Variants in BRIP1 observed in about 807,000 individuals in gnomAD.
BRIP1 encodes the protein BRCA1 interacting DNA helicase 1, also known as Fanconi anemia group J protein.
A neutral mutation model predicts 119.7 loss-of-function variants in BRIP1; 88 were observed. The observed-to-expected ratio is 0.74, with a 90% CI of 0.62 to 0.88. The LOEUF (loss-of-function observed/expected upper bound fraction) is 0.88. Among genes scored for constraint, BRIP1 ranks in the 40% least tolerant of loss-of-function variants. BRIP1 has a pLI of 0.00. For missense variants in BRIP1, 1,259 were observed against 1,455.4 expected, an observed-to-expected ratio of 0.87 and a Z score of 2.20; for synonymous variants, 443 against 496.5, an observed-to-expected ratio of 0.89 and a Z score of 1.43.
At chr17:61,715,574 T>G (rs1231736476) in intron 17 of BRIP1, among the ~76,000 whole-genome samples, 2 of 152,162 alleles carry the variant, frequency 1.3e-5, no homozygotes, top group African/African-American at 4.8e-5. Flanking sequence ...CCCTGACATT[T>G]TGGGGGAGGT....
chr17:61,840,141 C>A (rs1262534780), intron 6 of BRIP1, among the ~76,000 whole-genome samples: 1 of 151,764 alleles, frequency 6.6e-6, no homozygotes, highest in South Asian at 2.1e-4. Context: ...AACAGATCAC[C>A]CGAGGTCAGG....
At chr17:61,731,233 C>T (rs1202951470) in intron 16 of BRIP1, among the ~76,000 whole-genome samples, 1 of 152,170 alleles carries the variant, frequency 6.6e-6, no homozygotes, top group African/African-American at 2.4e-5. Flanking sequence ...ATTCCAAGAG[C>T]AAGTTGCTGA....
Position 61,834,836 on chromosome 17 carries a change from G to T in BRIP1, c.627+12265C>A, listed in dbSNP as rs374451404. ...AGGGCTGCCTTGCTGACTTACAGCT[G>T]ACCTGCAGTTGACCACAGACACATG... On this transcript the variant is annotated intron_variant, in intron 6 of 19. Transcript: ENST00000259008. The surrounding 1 kb of genome is among the most constrained non-coding windows in gnomAD (Gnocchi z 4.4). Among the ~76,000 whole-genome samples, 20 of 152,162 alleles carry T rather than the reference G, an allele frequency of 1.3e-4. No homozygotes were observed. The highest frequency in any genetic ancestry group is 4.6e-4 in the African/African-American group (19 of 41,434).
chr17:61,849,914 T>C (rs2078792345), intron 4 of BRIP1, among the ~76,000 whole-genome samples: 1 of 152,194 alleles, frequency 6.6e-6, no homozygotes, highest in Non-Finnish European at 1.5e-5. Context: ...ACTGTCTTCT[T>C]GGAACACAGC....
chr17:61,758,763 T>C lies in BRIP1; in HGVS notation c.2098-14172A>G, dbSNP rs1169384444. Among the ~76,000 whole-genome samples, 9 of 151,892 alleles carry C rather than the reference T, an allele frequency of 5.9e-5. No homozygotes were observed. The highest frequency in any genetic ancestry group is 1.9e-4 in the African/African-American group (8 of 41,346). On this transcript the variant is annotated intron_variant, in intron 14 of 19. Coordinates refer to ENST00000259008, the MANE Select transcript of BRIP1 (RefSeq NM_032043.3). The surrounding 1 kb of genome is among the most constrained non-coding windows in gnomAD (Gnocchi z 5.3). The stretch of plus-strand genomic sequence containing the variant: ...ACTTTAGGAGGCTGAGGCAGAAGGA[T>C]TGCTTGAGGCCAAAGGATTGCTTGA...
intron 6 of BRIP1, among the ~76,000 whole-genome samples, chr17:61,833,256 G>A (rs1190033266): frequency 6.6e-6 from 1 of 152,120 alleles, no homozygotes; most frequent in Admixed American, 6.5e-5. Context: ...GCTGAATTTT[G>A]TCAACTTTCT....
chr17:61,848,566 T>G lies in BRIP1; in HGVS notation c.507+563A>C, dbSNP rs1375840872. Among the ~76,000 whole-genome samples the G allele has an allele frequency of 1.3e-5, 2 of 152,176 alleles. No individual in the cohort carries two copies. Among genetic ancestry groups the G allele is most frequent in the Non-Finnish European group, 2.9e-5 (2 of 68,038 alleles). ...ATCTATTAAAATCCCAGCCTTCCTA[T>G]CTCACTGCCATGAATTCTGAGAAAA... is the stretch of plus-strand genomic sequence containing the variant. On this transcript the variant is annotated intron_variant, in intron 5 of 19. Transcript: ENST00000259008. The surrounding 1 kb of genome is among the most constrained non-coding windows in gnomAD (Gnocchi z 4.3).
intron 10 of BRIP1, among the ~76,000 whole-genome samples, chr17:61,792,038 T>G (rs749756847): frequency 6.6e-6 from 1 of 152,200 alleles, no homozygotes; most frequent in East Asian, 1.9e-4. Flanking sequence ...CAGGAACTTT[T>G]GTTCATTGCT....
In BRIP1 at chr17:61,773,017, T is replaced by C. The variant is rs375250520; in HGVS notation, c.2097+3384A>G. On this transcript the variant is annotated intron_variant, in intron 14 of 19. Coordinates refer to ENST00000259008, the MANE Select transcript of BRIP1 (RefSeq NM_032043.3). ...TAACCATTCTAACATTATTTAATTATGTATAAGAATTATTTTGATAAATTA... is the reference window on the plus strand; with the variant it reads ...TAACCATTCTAACATTATTTAATTACGTATAAGAATTATTTTGATAAATTA... 1.5e-3 allele frequency among the ~76,000 whole-genome samples: 233 copies of C among 151,956 alleles called. 3 individuals are homozygous for C. The highest frequency in any genetic ancestry group is 5.5e-3 in the African/African-American group (228 of 41,484).
In BRIP1 at chr17:61,734,790, T is replaced by C. The variant is rs1223585993; in HGVS notation, c.2379+8223A>G. 2.0e-5 allele frequency among the ~76,000 whole-genome samples: 3 copies of C among 152,230 alleles called. No homozygotes were observed. Among genetic ancestry groups the C allele is most frequent in the Admixed American group, 2.0e-4 (3 of 15,282 alleles). On this transcript the variant is annotated intron_variant, in intron 16 of 19. Transcript: ENST00000259008. The surrounding 1 kb of genome is among the most constrained non-coding windows in gnomAD (Gnocchi z 5.2). ...GTATTTTAAACTGTATTTTAACTTT[T>C]ACTTCCATAATCTTTCTCAAATTTA...
At position 61,743,780 on chromosome 17, in the gene BRIP1, T is replaced by C. The variant is rs2077018883; in HGVS notation, c.2258-646A>G. On this transcript the variant is annotated intron_variant, in intron 15 of 19. Coordinates refer to ENST00000259008, the MANE Select transcript of BRIP1 (RefSeq NM_032043.3). This position sits in a 1 kb window ranked among gnomAD's most constrained non-coding sequence, Gnocchi z 4.3. The stretch of plus-strand genomic sequence containing the variant: ...ACAGCTCACTGCAGCCTTGACCTCC[T>C]GGGCTCAGGTAATCCTCCCACCTCG... Among the ~76,000 whole-genome samples the C allele has an allele frequency of 1.3e-5, 2 of 152,260 alleles. No individual in the cohort carries two copies. Among genetic ancestry groups the C allele is most frequent in the South Asian group, 4.1e-4 (2 of 4,822 alleles).
intron 6 of BRIP1, among the ~76,000 whole-genome samples, chr17:61,835,876 T>TA (rs1459218370): frequency 1.3e-5 from 2 of 151,876 alleles, no homozygotes; most frequent in African/African-American, 4.8e-5. Context: ...TGCATGAAAA[T>TA]AAATCCCATA....
rs2078716536 is a variant in BRIP1 at position 61,845,644 on chromosome 17, T to C, written c.627+1457A>G. Among the ~76,000 whole-genome samples, 1 of 152,170 alleles carries C rather than the reference T, an allele frequency of 6.6e-6. No individual in the cohort carries two copies. The highest frequency in any genetic ancestry group is 1.5e-5 in the Non-Finnish European group (1 of 68,030). On this transcript the variant is annotated intron_variant, in intron 6 of 19. Coordinates refer to ENST00000259008, the MANE Select transcript of BRIP1 (RefSeq NM_032043.3). The surrounding 1 kb of genome is among the most constrained non-coding windows in gnomAD (Gnocchi z 4.2). The stretch of plus-strand genomic sequence containing the variant: ...ATAAAGAATTACCATGGTTAGTATA[T>C]CATTCACTCTTTTTCAAGCAAAAAT...
At chr17:61,858,485 T>C (rs2078929697) in intron 3 of BRIP1, among the ~76,000 whole-genome samples, 1 of 151,916 alleles carries the variant, frequency 6.6e-6, no homozygotes, top group Non-Finnish European at 1.5e-5. Context: ...GTGATTCTCC[T>C]GTCTCAGCCT....
At position 61,848,588 on chromosome 17, in the gene BRIP1, A is replaced by T. The variant is rs550571731; in HGVS notation, c.507+541T>A. Among the ~76,000 whole-genome samples the T allele has an allele frequency of 6.6e-6, 1 of 152,322 alleles. No homozygotes were observed. Among genetic ancestry groups the T allele is most frequent in the East Asian group, 1.9e-4 (1 of 5,192 alleles). On this transcript the variant is annotated intron_variant, in intron 5 of 19. Coordinates refer to ENST00000259008, the MANE Select transcript of BRIP1 (RefSeq NM_032043.3). The surrounding 1 kb of genome is among the most constrained non-coding windows in gnomAD (Gnocchi z 4.3). The stretch of plus-strand genomic sequence containing the variant: ...CTATCTCACTGCCATGAATTCTGAG[A>T]AAATATTGTGTTCATCTGCATCCAA...
intron 14 of BRIP1, among the ~76,000 whole-genome samples, chr17:61,764,165 T>C (rs1046511547): frequency 6.6e-6 from 1 of 152,206 alleles, no homozygotes; most frequent in African/African-American, 2.4e-5. Context: ...CTTACTCTAA[T>C]AAAGTGTGTC....
At chr17:61,838,184 T>G (rs571653707) in intron 6 of BRIP1, among the ~76,000 whole-genome samples, 1 of 152,242 alleles carries the variant, frequency 6.6e-6, no homozygotes, top group Admixed American at 6.5e-5. Context: ...ATATTTCTAT[T>G]TAAAAAATAC....
chr17:61,820,587 T>C (rs1235437494), intron 6 of BRIP1, among the ~76,000 whole-genome samples: 4 of 152,212 alleles, frequency 2.6e-5, no homozygotes, highest in Non-Finnish European at 5.9e-5. Context: ...CATGCACTTA[T>C]ACTTAGACCC....
intron 17 of BRIP1, among the ~76,000 whole-genome samples, chr17:61,714,740 G>A (rs1391833250): frequency 6.6e-6 from 1 of 151,650 alleles, no homozygotes; most frequent in Non-Finnish European, 1.5e-5. Flanking sequence ...TGTTTAGTTG[G>A]TGTTAATTCT....
Sources: allele counts gnomAD v4.1 joint callset (sites outside exome capture counted in the v4.1 genomes callset), GRCh38; gene constraint gnomAD v4.1.1; non-coding constraint Gnocchi (gnomAD v3.1); transcripts MANE v1.5; gene names NCBI Gene and HGNC (gene_info 2026-07-23, HGNC 2026-07-21).